The following SGCG variants were observed in gnomAD, a reference collection of about 807,000 sequenced individuals.
SGCG encodes the protein gamma-sarcoglycan.
A neutral mutation model predicts 29.3 loss-of-function variants in SGCG; 26 were observed. The observed-to-expected ratio is 0.89, with a 90% CI of 0.65 to 1.23. The LOEUF (loss-of-function observed/expected upper bound fraction) is 1.23, where lower values mean the gene tolerates loss of function less well. SGCG is among the 50% of genes most tolerant of loss of function. The probability of loss-of-function intolerance (pLI) is 0.00; values close to 1 mark genes in which losing one functional copy is unlikely to be tolerated. For missense variants in SGCG, 353 were observed against 356.0 expected (o/e 0.99, Z 0.07); for synonymous variants, 145 against 129.7 (o/e 1.12, Z -0.80).
At chr13:23,286,900 T>A (rs1881517536) in intron 5 of SGCG, among the ~76,000 whole-genome samples, 1 of 152,216 alleles carries the variant, frequency 6.6e-6, no homozygotes. Context: ...AATTTTCCAT[T>A]TAATATTTTA....
intron 1 of SGCG, among the ~76,000 whole-genome samples, chr13:23,188,644 G>A (rs184105019): frequency 2.6e-5 from 4 of 151,952 alleles, no homozygotes; most frequent in African/African-American, 2.4e-5. Flanking sequence ...CATATTTGTC[G>A]CATTCACTCA....
At chr13:23,323,877 G>A (rs565921488) in intron 7 of SGCG, among the ~76,000 whole-genome samples, 33 of 152,310 alleles carry the variant, frequency 2.2e-4, no homozygotes, top group Admixed American at 9.2e-4. Flanking sequence ...TTATTAAGAT[G>A]AATCTATTCT....
chr13:23,274,395 C>CTTTT lies in SGCG; in HGVS notation c.386-4942_386-4939dup, dbSNP rs869153381. Among the ~76,000 whole-genome samples, 488 of 85,248 alleles carry CTTTT rather than the reference C, an allele frequency of 5.7e-3. 6 individuals are homozygous for CTTTT. The highest frequency in any genetic ancestry group is 7.0e-3 in the African/African-American group (151 of 21,662). The allele number at this position is 85,248 out of a possible 152,430, so 55.9% of individuals were successfully genotyped here. On this transcript the variant is annotated intron_variant, in intron 4 of 7. Transcript: ENST00000218867. The stretch of plus-strand genomic sequence containing the variant: ...GGTGTGTTTTTCTTTCTTTCTTTCT[C>CTTTT]TTTTTTTTTTTTTTTTTTTTTTTTT...
chr13:23,221,629 A>G (rs1007759968), intron 2 of SGCG, among the ~76,000 whole-genome samples: 1 of 152,218 alleles, frequency 6.6e-6, no homozygotes, highest in Non-Finnish European at 1.5e-5. Context: ...GTTTACATAC[A>G]TGTGGCACAA....
At position 23,302,194 on chromosome 13, in the gene SGCG, A is replaced by C. The variant is rs1882186913; in HGVS notation, c.578+6707A>C. On this transcript the variant is annotated intron_variant, in intron 6 of 7. Coordinates refer to ENST00000218867, the MANE Select transcript of SGCG (RefSeq NM_000231.3). ...TTCACTTACCCAAAATTTTTTCCCA[A>C]TATACACTACTTAGTGATTGACAGT... Among the ~76,000 whole-genome samples the C allele has an allele frequency of 4.0e-5, 6 of 151,528 alleles. No homozygotes were observed. In the South Asian group the frequency reaches 1.2e-3, roughly 31 times the overall value.
At chr13:23,226,423 G>C (rs1878900686) in intron 2 of SGCG, among the ~76,000 whole-genome samples, 1 of 146,628 alleles carries the variant, frequency 6.8e-6, no homozygotes, top group Non-Finnish European at 1.5e-5. Context: ...TCTGTAGGCT[G>C]AGAGCAAAAA....
At chr13:23,188,757 A>G (rs562633697) in intron 1 of SGCG, among the ~76,000 whole-genome samples, 128 of 152,280 alleles carry the variant, frequency 8.4e-4, no homozygotes, top group African/African-American at 2.9e-3. Flanking sequence ...TGTGGCAAGT[A>G]AATACTGCAG....
chr13:23,307,940 G>A (rs1338180589), intron 6 of SGCG, among the ~76,000 whole-genome samples: 1 of 152,014 alleles, frequency 6.6e-6, no homozygotes, highest in African/African-American at 2.4e-5. Flanking sequence ...GTAGAGAAGT[G>A]AGAAAATAAA....
chr13:23,280,304 C>T (rs921729913), intron 5 of SGCG, among the ~76,000 whole-genome samples: 2 of 152,150 alleles, frequency 1.3e-5, no homozygotes, highest in Non-Finnish European at 2.9e-5. Context: ...AAGACACAGG[C>T]AGATACTTGT....
At chr13:23,238,586 G>T (rs1446284007) in intron 3 of SGCG, among the ~76,000 whole-genome samples, 1 of 152,158 alleles carries the variant, frequency 6.6e-6, no homozygotes, top group African/African-American at 2.4e-5. Context: ...AAAAAATCCT[G>T]CTCTGGTCCA....
At chr13:23,285,150 C>T (rs9580595) in intron 5 of SGCG, among the ~76,000 whole-genome samples, 66,044 of 152,022 alleles carry the variant, frequency 0.43, 15,182 homozygotes, top group Middle Eastern at 0.65. Flanking sequence ...CTGGGAGATC[C>T]GCTGCTCTCT....
At chr13:23,171,835 C>T in the SGCG span, among the ~76,000 whole-genome samples, 1 of 152,222 alleles carries the variant, frequency 6.6e-6, no homozygotes, top group South Asian at 2.1e-4. Flanking sequence ...ACCAGCCACT[C>T]ATCTCCTGCT....
At chr13:23,160,557 G>A in the SGCG span, among the ~76,000 whole-genome samples, 2 of 152,166 alleles carry the variant, frequency 1.3e-5, no homozygotes, top group African/African-American at 4.8e-5. Context: ...GGCCCGCGCT[G>A]TCTGGGGAGA....
At chr13:23,228,980 C>T (rs1443899218) in intron 2 of SGCG, among the ~76,000 whole-genome samples, 4 of 152,312 alleles carry the variant, frequency 2.6e-5, no homozygotes, top group Non-Finnish European at 2.9e-5. Flanking sequence ...AAGCGATTCT[C>T]CAGCCTCAGC....
chr13:23,285,665 A>G (rs1252272228), intron 5 of SGCG, among the ~76,000 whole-genome samples: 3 of 151,742 alleles, frequency 2.0e-5, no homozygotes, highest in Admixed American at 2.0e-4. Flanking sequence ...ATGAAAAAAA[A>G]CTCCTGCAGC....
At chr13:23,311,584 G>A (rs1239683505) in intron 6 of SGCG, among the ~76,000 whole-genome samples, 2 of 152,148 alleles carry the variant, frequency 1.3e-5, no homozygotes, top group Admixed American at 1.3e-4. Flanking sequence ...CTTGGTGCTC[G>A]GCACGTTGGC....
chr13:23,162,409 T>C, the SGCG span, among the ~76,000 whole-genome samples: 2 of 152,178 alleles, frequency 1.3e-5, no homozygotes, highest in Non-Finnish European at 2.9e-5. Flanking sequence ...GGTCAGGAGA[T>C]GGAGACCATC....
At chr13:23,299,407 C>CATGTATATAT (rs1161342960) in intron 6 of SGCG, among the ~76,000 whole-genome samples, 2 of 23,932 alleles carry the variant, frequency 8.4e-5, no homozygotes, top group Non-Finnish European at 1.4e-4. Context: ...TCTTAGTTGG[C>CATGTATATAT]ATATATATAT....
intron 5 of SGCG, among the ~76,000 whole-genome samples, chr13:23,282,416 G>T (rs1593218188): frequency 6.6e-6 from 1 of 152,108 alleles, no homozygotes; most frequent in East Asian, 1.9e-4. Flanking sequence ...TTGTTGTACA[G>T]ATTATTTCAT....
Sources: allele counts gnomAD v4.1 joint callset (sites outside exome capture counted in the v4.1 genomes callset), GRCh38; gene constraint gnomAD v4.1.1; transcripts MANE v1.5; gene names NCBI Gene and HGNC (gene_info 2026-07-23, HGNC 2026-07-21).